GRID2: variants seen among roughly 807,000 people sequenced by gnomAD.
The protein encoded by GRID2 is glutamate receptor ionotropic, delta-2.
GRID2 carries 33 observed loss-of-function variants against 114.8 expected under a neutral mutation model. That is an observed-to-expected ratio of 0.29 (90% CI 0.22 to 0.38). GRID2 has a LOEUF of 0.38. Ranked by LOEUF, GRID2 falls within the 10% of genes least tolerant of loss-of-function variation. GRID2 has a pLI of 1.00. For synonymous variants in GRID2, 505 were observed against 449.9 expected (o/e 1.12, Z -1.55); for missense variants, 1,184 against 1,257.7 (o/e 0.94, Z 0.89).
chr4:93,456,927 C>T (rs548863739), intron 11 of GRID2, among the ~76,000 whole-genome samples: 101 of 152,110 alleles, frequency 6.6e-4, no homozygotes, highest in Non-Finnish European at 8.4e-4. Flanking sequence ...CATGCTTTTC[C>T]CTCCACCCTT....
intron 1 of GRID2, among the ~76,000 whole-genome samples, chr4:92,448,023 G>A (rs1733559200): frequency 6.6e-6 from 1 of 152,060 alleles, no homozygotes; most frequent in South Asian, 2.1e-4. Context: ...AAATAATAAG[G>A]CATTTCTAAC....
intron 5 of GRID2, among the ~76,000 whole-genome samples, chr4:93,213,504 A>C (rs1039966803): frequency 1.3e-5 from 2 of 152,302 alleles, no homozygotes; most frequent in African/African-American, 4.8e-5. Flanking sequence ...TCATTAAATA[A>C]ATTTTGTATT....
At chr4:92,618,328 G>A (rs1451691037) in intron 2 of GRID2, among the ~76,000 whole-genome samples, 1 of 151,612 alleles carries the variant, frequency 6.6e-6, no homozygotes, top group Non-Finnish European at 1.5e-5. Flanking sequence ...TAGATGTATG[G>A]ATTAATTTCT....
intron 8 of GRID2, among the ~76,000 whole-genome samples, chr4:93,320,853 A>G (rs984152983): frequency 2.0e-5 from 3 of 152,098 alleles, no homozygotes; most frequent in Non-Finnish European, 1.5e-5. Flanking sequence ...TTAAATGTAT[A>G]TATCTGTGAT....
chr4:92,601,201 G>C (rs1729201463), intron 2 of GRID2, among the ~76,000 whole-genome samples: 1 of 152,170 alleles, frequency 6.6e-6, no homozygotes, highest in African/African-American at 2.4e-5. Flanking sequence ...GATATCAATA[G>C]AACTCTCCAC....
At chr4:92,677,349 A>C (rs551819260) in intron 2 of GRID2, among the ~76,000 whole-genome samples, 1 of 152,332 alleles carries the variant, frequency 6.6e-6, no homozygotes, top group East Asian at 1.9e-4. Context: ...AGTAAGTTAG[A>C]CAAAAGATCA....
chr4:93,389,912 C>G lies in GRID2; in HGVS notation c.1246-5695C>G, dbSNP rs185978950. On this transcript the variant is annotated intron_variant, in intron 8 of 15. Coordinates refer to ENST00000282020, the MANE Select transcript of GRID2 (RefSeq NM_001510.4). ...CAAGCAATTCTCCCGCCTCAGCCCC[C>G]CAAGTAGCTGGGATTACAGGCATGT... Among the ~76,000 whole-genome samples, 103 of 152,218 alleles carry G rather than the reference C, an allele frequency of 6.8e-4. 1 individual carries two copies. Among genetic ancestry groups the G allele is most frequent in the Non-Finnish European group, 1.4e-3 (93 of 68,012 alleles).
chr4:93,405,858 A>G (rs1579974698), intron 9 of GRID2, among the ~76,000 whole-genome samples: 1 of 152,182 alleles, frequency 6.6e-6, no homozygotes, highest in African/African-American at 2.4e-5. Context: ...GAACATGAAT[A>G]TAAATAAAAA....
rs1729575430 is a variant in GRID2, at chr4:93,515,070, C to G, written c.1998-146C>G. 13 of 422,480 alleles carry G rather than the reference C, an allele frequency of 3.1e-5. 1 individual carries two copies. In the South Asian group the frequency reaches 8.6e-4, roughly 28 times the overall value. The allele number at this position is 422,480 out of a possible 1,614,324, so 26.2% of individuals were successfully genotyped here. On this transcript the variant is annotated intron_variant, in intron 12 of 15. Coordinates refer to ENST00000282020, the MANE Select transcript of GRID2 (RefSeq NM_001510.4). ...CAGAAGTTTTTCTTACACATTATAT[C>G]CTAATATCAGAAAACAATAAAATAA...
chr4:92,417,566 C>T (rs1731680614), intron 1 of GRID2, among the ~76,000 whole-genome samples: 1 of 152,082 alleles, frequency 6.6e-6, no homozygotes. Flanking sequence ...CGCTATTCAA[C>T]ATTTTTAAAA....
chr4:93,188,966 C>A (rs768035531), intron 4 of GRID2, among the ~76,000 whole-genome samples: 1 of 152,098 alleles, frequency 6.6e-6, no homozygotes, highest in Admixed American at 6.6e-5. Context: ...CTGATCACAA[C>A]CATTTAGGTA....
chr4:92,864,331 C>A (rs1289704063), intron 2 of GRID2, among the ~76,000 whole-genome samples: 2 of 152,174 alleles, frequency 1.3e-5, no homozygotes, highest in Non-Finnish European at 2.9e-5. Flanking sequence ...GCTGACACTT[C>A]GTTACAGTCT....
intron 4 of GRID2, among the ~76,000 whole-genome samples, chr4:93,147,491 C>T (rs1046489329): frequency 1.3e-5 from 2 of 152,070 alleles, no homozygotes; most frequent in Non-Finnish European, 2.9e-5. Context: ...ATTTAATACT[C>T]ATGGAAAAAC....
intron 4 of GRID2, among the ~76,000 whole-genome samples, chr4:93,171,537 T>C (rs768578627): frequency 6.6e-6 from 1 of 152,198 alleles, no homozygotes; most frequent in Non-Finnish European, 1.5e-5. Flanking sequence ...CTCACCAGAA[T>C]GTAAGCTTCA....
chr4:93,523,668 G>A (rs1179359205), intron 13 of GRID2, among the ~76,000 whole-genome samples: 1 of 152,102 alleles, frequency 6.6e-6, no homozygotes. Flanking sequence ...TGAGCATATT[G>A]CCAGGTGCTT....
chr4:93,309,286 A>G (rs1227252177), intron 8 of GRID2, among the ~76,000 whole-genome samples: 1 of 152,144 alleles, frequency 6.6e-6, no homozygotes, highest in Non-Finnish European at 1.5e-5. Context: ...TGTAATCCCA[A>G]CACTTTGGGA....
At chr4:93,504,091 A>G (rs1422069942) in intron 12 of GRID2, among the ~76,000 whole-genome samples, 1 of 152,042 alleles carries the variant, frequency 6.6e-6, no homozygotes, top group Non-Finnish European at 1.5e-5. Flanking sequence ...ATTCATGGTA[A>G]CTTATTTCTC....
chr4:93,196,756 C>T (rs544422624), intron 4 of GRID2, among the ~76,000 whole-genome samples: 4 of 152,122 alleles, frequency 2.6e-5, no homozygotes, highest in South Asian at 4.2e-4. Flanking sequence ...TAAGAATCGT[C>T]GTCCAATTTC....
At chr4:92,376,185 C>G (rs1729346881) in intron 1 of GRID2, among the ~76,000 whole-genome samples, 2 of 152,014 alleles carry the variant, frequency 1.3e-5, no homozygotes, top group Admixed American at 1.3e-4. Context: ...TGTCGGGCAC[C>G]TGAAGTCCCA....
Sources: allele counts gnomAD v4.1 joint callset (sites outside exome capture counted in the v4.1 genomes callset), GRCh38; gene constraint gnomAD v4.1.1; transcripts MANE v1.5; gene names NCBI Gene and HGNC (gene_info 2026-07-23, HGNC 2026-07-21).